The following NEK10 variants were observed in gnomAD, a reference collection of about 807,000 sequenced individuals.
NEK10 encodes the protein serine/threonine-protein kinase Nek10.
In NEK10, 122 loss-of-function variants were observed where a neutral mutation model predicts 159.8. The ratio of observed to expected loss-of-function variants is 0.76; its 90% confidence interval spans 0.66 to 0.89. The LOEUF (loss-of-function observed/expected upper bound fraction) is 0.89, where lower values mean the gene tolerates loss of function less well. Among genes scored for constraint, NEK10 ranks in the 40% least tolerant of loss-of-function variants. The probability of loss-of-function intolerance (pLI) is 0.00; values close to 1 mark genes in which losing one functional copy is unlikely to be tolerated. For missense variants in NEK10, 1,342 were observed against 1,323.1 expected (o/e 1.01, Z -0.22); for synonymous variants, 466 against 457.1 (o/e 1.02, Z -0.25).
At chr3:27,200,186 T>C (rs1234241168) in intron 25 of NEK10, among the ~76,000 whole-genome samples, 1 of 152,074 alleles carries the variant, frequency 6.6e-6, no homozygotes, top group Non-Finnish European at 1.5e-5. Context: ...TTAGATATCA[T>C]CCTACAAAAA....
chr3:27,351,869 A>C (rs2047994372), intron 3 of NEK10, among the ~76,000 whole-genome samples: 1 of 152,014 alleles, frequency 6.6e-6, no homozygotes, highest in Non-Finnish European at 1.5e-5. Context: ...GATGGCCTCT[A>C]ATGTCATCAC....
intron 1 of NEK10, among the ~76,000 whole-genome samples, chr3:27,363,226 C>T (rs898679682): frequency 3.9e-5 from 6 of 152,194 alleles, no homozygotes. Context: ...ATTCTTTGAG[C>T]TGACCTCCTA....
chr3:27,204,578 C>A lies in NEK10; in HGVS notation c.2091-2021G>T, dbSNP rs1275481898. Among the ~76,000 whole-genome samples the A allele has an allele frequency of 2.4e-5, 3 of 125,428 alleles. No individual in the cohort carries two copies. The South Asian group carries it at 8.7e-4, about 36-fold the overall frequency. The allele number at this position is 125,428 out of a possible 152,430, so 82.3% of individuals were successfully genotyped here. On this transcript the variant is annotated intron_variant, in intron 23 of 35. Coordinates refer to ENST00000691995, the MANE Select transcript of NEK10 (RefSeq NM_001394966.1). ...TGCAGTGTTTGGTTTTTTGTTCTTG[C>A]GATAGTTTACTGAGAATGATGATTT... is the stretch of plus-strand genomic sequence containing the variant.
In NEK10 at chr3:27,226,054, C is replaced by T. The variant is rs184572554; in HGVS notation, c.2091-23497G>A. ...GGTTACAATATTTTTTTTTTTGAGA[C>T]GGAGTCTCGCTCTGTTGCCCAGGCT... On this transcript the variant is annotated intron_variant, in intron 23 of 35. Coordinates refer to ENST00000691995, the MANE Select transcript of NEK10 (RefSeq NM_001394966.1). Among the ~76,000 whole-genome samples the T allele has an allele frequency of 8.5e-4, 129 of 151,712 alleles. 1 individual carries two copies. Among genetic ancestry groups the T allele is most frequent in the Non-Finnish European group, 1.3e-3 (91 of 67,896 alleles).
At chr3:27,313,639 A>G (rs1163908775) in intron 7 of NEK10, among the ~76,000 whole-genome samples, 2 of 152,132 alleles carry the variant, frequency 1.3e-5, no homozygotes, top group African/African-American at 4.8e-5. Context: ...ATATATATGC[A>G]TATATATATA....
At chr3:27,364,633 G>T (rs2048932182) in intron 1 of NEK10, among the ~76,000 whole-genome samples, 1 of 152,124 alleles carries the variant, frequency 6.6e-6, no homozygotes, top group Non-Finnish European at 1.5e-5. Context: ...TGTCACAAAT[G>T]GTTTTCATTT....
chr3:27,195,617 C>T (rs1280283678), intron 25 of NEK10, among the ~76,000 whole-genome samples: 1 of 152,138 alleles, frequency 6.6e-6, no homozygotes, highest in Admixed American at 6.5e-5. Flanking sequence ...GAACCAAAAG[C>T]AACCTCAAAT....
chr3:27,220,312 TTTTCC>T, intron 23 of NEK10, among the ~76,000 whole-genome samples: 1 of 152,236 alleles, frequency 6.6e-6, no homozygotes, highest in South Asian at 2.1e-4. Context: ...TTCCTTGCCT[TTTTCC>T]AGCTTCTAGA....
intron 7 of NEK10, among the ~76,000 whole-genome samples, chr3:27,313,434 T>C (rs1246117007): frequency 6.6e-6 from 1 of 152,118 alleles, no homozygotes; most frequent in Non-Finnish European, 1.5e-5. Context: ...CATCTATTTA[T>C]TAGTATTTTA....
chr3:27,196,471 T>C (rs775066749), intron 25 of NEK10, among the ~76,000 whole-genome samples: 5 of 152,084 alleles, frequency 3.3e-5, no homozygotes, highest in Non-Finnish European at 5.9e-5. Flanking sequence ...CCACACATCA[T>C]AGATGAGAAA....
At chr3:27,145,339 A>C (rs1944198503) in intron 30 of NEK10, among the ~76,000 whole-genome samples, 1 of 152,226 alleles carries the variant, frequency 6.6e-6, no homozygotes, top group African/African-American at 2.4e-5. Flanking sequence ...CTTAAAATTT[A>C]AATAAAATCA....
At chr3:27,320,544 C>T (rs1234168471) in intron 6 of NEK10, among the ~76,000 whole-genome samples, 2 of 152,098 alleles carry the variant, frequency 1.3e-5, no homozygotes, top group Admixed American at 6.5e-5. Flanking sequence ...AACTTATGGC[C>T]CATGCTCATT....
Position 27,346,071 on chromosome 3 carries a change from T to A in NEK10, c.263+15A>T, listed in dbSNP as rs771926002. The A allele has an allele frequency of 1.2e-6, 2 of 1,612,896 alleles. No homozygotes were observed. Among genetic ancestry groups the A allele is most frequent in the Non-Finnish European group, 1.7e-6 (2 of 1,179,002 alleles). ...AATAAGTTGCTGAAGACGAAGGAGATGCTGGATTTCTTACCTAAAATTTTC... is the reference window on the plus strand; with the variant it reads ...AATAAGTTGCTGAAGACGAAGGAGAAGCTGGATTTCTTACCTAAAATTTTC... On this transcript the variant is annotated intron_variant, in intron 4 of 35. Coordinates refer to ENST00000691995, the MANE Select transcript of NEK10 (RefSeq NM_001394966.1).
intron 22 of NEK10, among the ~76,000 whole-genome samples, chr3:27,281,094 T>C (rs546943727): frequency 1.3e-4 from 20 of 151,762 alleles, no homozygotes; most frequent in Non-Finnish European, 2.6e-4. Flanking sequence ...AATTAAAATA[T>C]GATAATATAA....
At chr3:27,252,441 T>C (rs1432567705) in intron 23 of NEK10, among the ~76,000 whole-genome samples, 1 of 152,220 alleles carries the variant, frequency 6.6e-6, no homozygotes, top group African/African-American at 2.4e-5. Context: ...AAAAATTTGT[T>C]ACAACAAAAA....
intron 23 of NEK10, among the ~76,000 whole-genome samples, chr3:27,244,471 T>C (rs1194721303): frequency 6.6e-6 from 1 of 152,162 alleles, no homozygotes; most frequent in Admixed American, 6.6e-5. Flanking sequence ...ATTTCTCCTT[T>C]AAAGTGAGCA....
intron 23 of NEK10, chr3:27,214,706 G>A: frequency 1.5e-6 from 1 of 673,014 alleles, no homozygotes; most frequent in Non-Finnish European, 2.8e-6. Flanking sequence ...CAGAAGAATG[G>A]CAGCTTACTT....
In NEK10 at chr3:27,204,307, T is replaced by TG. The variant is rs1368562972; in HGVS notation, c.2091-1751_2091-1750insC. ...TTTTTTTTTTTTTGTTGTTGTTTTT[T>TG]TTTTTTTTTTTTTTATTATACTTTA... On this transcript the variant is annotated intron_variant, in intron 23 of 35. Coordinates refer to ENST00000691995, the MANE Select transcript of NEK10 (RefSeq NM_001394966.1). Among the ~76,000 whole-genome samples, 155 of 133,472 alleles carry TG rather than the reference T, an allele frequency of 1.2e-3. 1 individual carries two copies. Among genetic ancestry groups the TG allele is most frequent in the Non-Finnish European group, 1.9e-3 (115 of 61,840 alleles). 87.6% of individuals were successfully genotyped at this position (133,472 alleles called of 152,430 possible). A position where few individuals can be genotyped will look rare whatever the true frequency, so the allele number is the denominator to read the frequency against.
At chr3:27,253,017 T>A (rs1955821196) in intron 23 of NEK10, 1 of 399,792 alleles carries the variant, frequency 2.5e-6, no homozygotes, top group South Asian at 1.8e-5. Context: ...AAAAAAATAA[T>A]TTTTTTAAAA....
Sources: allele counts gnomAD v4.1 joint callset (sites outside exome capture counted in the v4.1 genomes callset), GRCh38; gene constraint gnomAD v4.1.1; transcripts MANE v1.5; gene names NCBI Gene and HGNC (gene_info 2026-07-23, HGNC 2026-07-21).